Variants in SAMD4A observed in about 807,000 individuals in gnomAD.
The protein encoded by SAMD4A is sterile alpha motif domain containing 4A, also known as protein Smaug homolog 1.
Under a neutral mutation model 81.3 loss-of-function variants are expected in SAMD4A, and 33 were observed. That is an observed-to-expected ratio of 0.41 (90% confidence interval 0.31 to 0.54). The LOEUF (loss-of-function observed/expected upper bound fraction) is 0.54, where lower values mean the gene tolerates loss of function less well. Ranked by LOEUF, SAMD4A falls within the 20% of genes least tolerant of loss-of-function variation. The pLI is 0.37. For missense variants in SAMD4A, 854 were observed against 951.1 expected (o/e 0.90, Z 1.34); for synonymous variants, 389 against 382.1 (o/e 1.02, Z -0.21).
chr14:54,776,851 G>T (rs1293762847), intron 11 of SAMD4A, among the ~76,000 whole-genome samples: 2 of 98,732 alleles, frequency 2.0e-5, no homozygotes, highest in African/African-American at 7.3e-5. Context: ...AGGGCTCCAT[G>T]TGTAGTGTGT....
At chr14:54,664,620 T>G (rs2035717210) in intron 2 of SAMD4A, among the ~76,000 whole-genome samples, 1 of 151,404 alleles carries the variant, frequency 6.6e-6, no homozygotes, top group African/African-American at 2.4e-5. Flanking sequence ...TCTCTTCTTC[T>G]CTCTCCTTCT....
intron 3 of SAMD4A, among the ~76,000 whole-genome samples, chr14:54,727,015 A>T (rs972815035): frequency 6.6e-6 from 1 of 152,106 alleles, no homozygotes; most frequent in Non-Finnish European, 1.5e-5. Context: ...ATTTTTGTCA[A>T]CTTATCAATA....
intron 2 of SAMD4A, among the ~76,000 whole-genome samples, chr14:54,661,014 T>C (rs2035631835): frequency 6.6e-6 from 1 of 152,252 alleles, no homozygotes; most frequent in Admixed American, 6.5e-5. Flanking sequence ...TCCTGTTTCA[T>C]GAATGGTGTG....
chr14:54,598,679 CAT>C (rs2033975733), intron 2 of SAMD4A, among the ~76,000 whole-genome samples: 1 of 152,130 alleles, frequency 6.6e-6, no homozygotes, highest in Admixed American at 6.5e-5. Flanking sequence ...TTAAAGGAAA[CAT>C]AAGCTCACAG....
intron 9 of SAMD4A, among the ~76,000 whole-genome samples, chr14:54,771,313 C>T (rs1355272689): frequency 1.3e-5 from 2 of 152,234 alleles, no homozygotes; most frequent in African/African-American, 2.4e-5. Context: ...ATCCTCATGA[C>T]AACCATGTGA....
chr14:54,624,766 G>A (rs1224690846), intron 2 of SAMD4A, among the ~76,000 whole-genome samples: 1 of 150,526 alleles, frequency 6.6e-6, no homozygotes, highest in African/African-American at 2.5e-5. Flanking sequence ...GGGCAACCTG[G>A]GGAGAAGAGA....
chr14:54,626,053 TGTGTGTGCGC>T lies in SAMD4A; in HGVS notation c.196+57943_196+57952del, dbSNP rs1218779419. On this transcript the variant is annotated intron_variant, in intron 2 of 12. Transcript: ENST00000554335. ...GTGTGTGTGTGTGTGTGTGTGTGTG[TGTGTGTGCGC>T]GCGCGCGCGCGCGAGTGCGCACATG... is the stretch of plus-strand genomic sequence containing the variant. Among the ~76,000 whole-genome samples, 242 of 120,170 alleles carry T rather than the reference TGTGTGTGCGC, an allele frequency of 2.0e-3. 3 individuals carry two copies. The highest frequency in any genetic ancestry group is 9.3e-3 in the African/African-American group (222 of 23,890). The allele number at this position is 120,170 out of a possible 152,430, so 78.8% of individuals were successfully genotyped here.
At chr14:54,578,282 T>C (rs2033364150) in intron 2 of SAMD4A, among the ~76,000 whole-genome samples, 1 of 152,210 alleles carries the variant, frequency 6.6e-6, no homozygotes, top group Non-Finnish European at 1.5e-5. Context: ...AAGTCCCTTC[T>C]GACCTTAAGA....
At chr14:54,770,054 T>G (rs756914578) in intron 8 of SAMD4A, 50 bp from the exon 9 acceptor site, 17 of 1,206,386 alleles carry the variant, frequency 1.4e-5, no homozygotes, top group Non-Finnish European at 2.0e-5. Context: ...TGTTTCTCCC[T>G]CTAATGCCAG....
chr14:54,595,572 G>A (rs1555334384), intron 2 of SAMD4A, among the ~76,000 whole-genome samples: 1 of 151,928 alleles, frequency 6.6e-6, no homozygotes, highest in Non-Finnish European at 1.5e-5. Context: ...AGCCTTCGGA[G>A]GGGAGGAGGT....
intron 2 of SAMD4A, among the ~76,000 whole-genome samples, chr14:54,584,160 G>A (rs1255595857): frequency 2.0e-5 from 3 of 152,158 alleles, no homozygotes; most frequent in Non-Finnish European, 4.4e-5. Context: ...ACATGTAACA[G>A]GTGGCTTTAG....
At position 54,567,986 on chromosome 14, in the gene SAMD4A, G is replaced by GT. The variant is rs1325885783; in HGVS notation, c.72dup (p.Ala25CysfsTer45). The GT allele has an allele frequency of 6.2e-7, 1 of 1,610,014 alleles. No homozygotes were observed. Among genetic ancestry groups the GT allele is most frequent in the Non-Finnish European group, 8.5e-7 (1 of 1,179,604 alleles). On this transcript the variant is annotated frameshift_variant, in exon 2 of 13. Coordinates refer to ENST00000554335, the MANE Select transcript of SAMD4A (RefSeq NM_015589.6). LOFTEE classifies it high-confidence loss of function. Reference sequence around the variant, plus strand: ...GGGCTGGAACGAGTGCGAGCAGACTGTTGCGCTGCTGTCGCTGCTCAAGCG... The same window carrying GT: ...GGGCTGGAACGAGTGCGAGCAGACTGTTTGCGCTGCTGTCGCTGCTCAAGCG...
intron 2 of SAMD4A, among the ~76,000 whole-genome samples, chr14:54,598,103 T>G (rs537428456): frequency 6.6e-6 from 1 of 152,358 alleles, no homozygotes; most frequent in East Asian, 1.9e-4. Context: ...GTCTGAGCAT[T>G]TGTTAGACTA....
chr14:54,630,549 G>T (rs1368323332), intron 2 of SAMD4A, among the ~76,000 whole-genome samples: 1 of 152,168 alleles, frequency 6.6e-6, no homozygotes, highest in Non-Finnish European at 1.5e-5. Context: ...TTGTTGCATT[G>T]TAGGAGTTCT....
intron 3 of SAMD4A, among the ~76,000 whole-genome samples, chr14:54,729,315 C>T (rs2037501268): frequency 6.6e-6 from 1 of 152,130 alleles, no homozygotes; most frequent in African/African-American, 2.4e-5. Context: ...GGCATGTGAG[C>T]TGATGAAACA....
At chr14:54,571,951 C>T (rs957519614) in intron 2 of SAMD4A, among the ~76,000 whole-genome samples, 13 of 152,108 alleles carry the variant, frequency 8.5e-5, no homozygotes, top group African/African-American at 2.9e-4. Context: ...CTCCACCCTG[C>T]GTTACTTTTT....
intron 2 of SAMD4A, among the ~76,000 whole-genome samples, chr14:54,577,885 C>T (rs867696802): frequency 5.9e-5 from 9 of 152,144 alleles, no homozygotes; most frequent in East Asian, 1.9e-4. Context: ...TTAAATTCTC[C>T]GTCCATGTAG....
chr14:54,633,511 G>A (rs1015322393), intron 2 of SAMD4A, among the ~76,000 whole-genome samples: 1 of 152,138 alleles, frequency 6.6e-6, no homozygotes, highest in Non-Finnish European at 1.5e-5. Flanking sequence ...GACAAGTAGA[G>A]GGAGACAGGG....
chr14:54,662,782 C>T (rs1449493833), intron 2 of SAMD4A, among the ~76,000 whole-genome samples: 4 of 152,106 alleles, frequency 2.6e-5, no homozygotes, highest in African/African-American at 9.7e-5. Context: ...CTTTGGCTCC[C>T]TCAGCACAGG....
Sources: allele counts gnomAD v4.1 joint callset (sites outside exome capture counted in the v4.1 genomes callset), GRCh38; gene constraint gnomAD v4.1.1; transcripts MANE v1.5; gene names NCBI Gene and HGNC (gene_info 2026-07-23, HGNC 2026-07-21).